Variants in AGMO observed in about 807,000 individuals in gnomAD.
AGMO encodes the protein alkylglycerol monooxygenase.
Under a neutral mutation model 60.2 loss-of-function variants are expected in AGMO, and 75 were observed. That is an observed-to-expected ratio of 1.25 (90% CI 1.03 to 1.51). The LOEUF (loss-of-function observed/expected upper bound fraction) is 1.51. Among genes scored for constraint, AGMO ranks in the 40% most tolerant of loss-of-function variants. The probability of loss-of-function intolerance (pLI) is 0.00; values close to 1 mark genes in which losing one functional copy is unlikely to be tolerated. For missense variants in AGMO, 763 were observed against 525.5 expected (o/e 1.45, Z -4.42); for synonymous variants, 261 against 177.1 (o/e 1.47, Z -3.76).
chr7:15,345,640 G>C lies in AGMO; in HGVS notation c.1263+19874C>G, dbSNP rs76844719. Among the ~76,000 whole-genome samples, 1,234 of 152,226 alleles carry C rather than the reference G, an allele frequency of 8.1e-3. 14 individuals are homozygous for C. The highest frequency in any genetic ancestry group is 0.024 in the African/African-American group (1,002 of 41,536). ...AATATCTATCTTGGTACTTGGTACT[G>C]ATGTTGTTGTTAGCAGTTTTTAAAT... On this transcript the variant is annotated intron_variant, in intron 12 of 12. Coordinates refer to ENST00000342526, the MANE Select transcript of AGMO (RefSeq NM_001004320.2).
intron 3 of AGMO, among the ~76,000 whole-genome samples, chr7:15,535,120 G>T (rs1417053177): frequency 6.6e-6 from 1 of 151,974 alleles, no homozygotes; most frequent in East Asian, 1.9e-4. Context: ...CAGTTAAAAA[G>T]TGGTAGCAAT....
At chr7:15,260,379 C>A (rs1228550648) in intron 12 of AGMO, among the ~76,000 whole-genome samples, 4 of 151,730 alleles carry the variant, frequency 2.6e-5, no homozygotes, top group Non-Finnish European at 4.4e-5. Flanking sequence ...TTTTATCAGA[C>A]AAAAGAAACT....
chr7:15,552,310 A>C (rs189547825), intron 2 of AGMO, among the ~76,000 whole-genome samples: 2 of 152,358 alleles, frequency 1.3e-5, no homozygotes, highest in African/African-American at 4.8e-5. Flanking sequence ...AAAAGCCAAA[A>C]TTGACAAATG....
intron 12 of AGMO, among the ~76,000 whole-genome samples, chr7:15,227,029 A>G (rs1782103727): frequency 6.6e-6 from 1 of 152,016 alleles, no homozygotes; most frequent in African/African-American, 2.4e-5. Context: ...AAATCCAGAC[A>G]AACGCAAAAG....
chr7:15,362,682 C>T (rs1016644026), intron 12 of AGMO, among the ~76,000 whole-genome samples: 2 of 152,138 alleles, frequency 1.3e-5, no homozygotes, highest in Non-Finnish European at 2.9e-5. Context: ...AGCTAAGCAC[C>T]CTGAAAGATT....
At chr7:15,198,247 G>C (rs1188877839), downstream of AGMO, among the ~76,000 whole-genome samples, 187 of 84,974 alleles carry the variant, frequency 2.2e-3, 4 homozygotes, top group African/African-American at 0.014. Flanking sequence ...GAGAGAGAGA[G>C]AGAGAGAGAC....
intron 3 of AGMO, among the ~76,000 whole-genome samples, chr7:15,460,619 ATAAAT>A (rs1174434114): frequency 2.6e-5 from 4 of 152,094 alleles, no homozygotes; most frequent in Admixed American, 6.6e-5. Context: ...ATGAGATATA[ATAAAT>A]TAAATATTGA....
At chr7:15,531,768 C>T (rs1441028989) in intron 3 of AGMO, among the ~76,000 whole-genome samples, 2 of 150,366 alleles carry the variant, frequency 1.3e-5, no homozygotes, top group Non-Finnish European at 2.9e-5. Flanking sequence ...TCAAGCGATT[C>T]TCATACCTCA....
At chr7:15,354,302 A>ACGTGTATACG (rs1554422451) in intron 12 of AGMO, among the ~76,000 whole-genome samples, 2 of 80,994 alleles carry the variant, frequency 2.5e-5, no homozygotes, top group Admixed American at 1.2e-4. Context: ...AAATATATAT[A>ACGTGTATACG]CGTGTATACA....
At chr7:15,380,539 A>G (rs953120786) in intron 10 of AGMO, among the ~76,000 whole-genome samples, 6 of 152,176 alleles carry the variant, frequency 3.9e-5, no homozygotes, top group Non-Finnish European at 7.4e-5. Context: ...AAGCCATTCC[A>G]TGTTCATGGA....
chr7:15,289,278 GTTAA>G (rs1025287127), intron 12 of AGMO, among the ~76,000 whole-genome samples: 14 of 51,928 alleles, frequency 2.7e-4, no homozygotes, highest in Middle Eastern at 0.032. Flanking sequence ...TATTTAGAAT[GTTAA>G]TTGTTTCTTT....
At chr7:15,133,506 G>T in the AGMO span, among the ~76,000 whole-genome samples, 1 of 152,142 alleles carries the variant, frequency 6.6e-6, no homozygotes, top group African/African-American at 2.4e-5. Context: ...TTAGCTGGAG[G>T]CTAAAATCAT....
intron 12 of AGMO, chr7:15,358,555 G>A (rs764213468): frequency 3.9e-5 from 15 of 384,150 alleles, no homozygotes; most frequent in Admixed American, 1.3e-4. Flanking sequence ...AGATGCAGGT[G>A]GGATTTTCTG....
At chr7:15,493,355 ACACACACTTCTTTTT>A (rs1241278961) in intron 3 of AGMO, among the ~76,000 whole-genome samples, 18 of 84,940 alleles carry the variant, frequency 2.1e-4, no homozygotes, top group Non-Finnish European at 4.1e-4. Context: ...ACACACACAC[ACACACACTTCTTTTT>A]TTTTTTTTTT....
At chr7:15,157,835 C>T in the AGMO span, among the ~76,000 whole-genome samples, 1 of 152,132 alleles carries the variant, frequency 6.6e-6, no homozygotes, top group Non-Finnish European at 1.5e-5. Context: ...TGCAATAATT[C>T]CATTTCTCTG....
intron 3 of AGMO, among the ~76,000 whole-genome samples, chr7:15,537,942 G>A (rs1784522864): frequency 2.0e-5 from 3 of 152,000 alleles, no homozygotes; most frequent in African/African-American, 4.8e-5. Flanking sequence ...ACGGACAAAT[G>A]TTTAACATTT....
chr7:15,255,542 A>AG (rs1230446789), intron 12 of AGMO, among the ~76,000 whole-genome samples: 2 of 150,614 alleles, frequency 1.3e-5, no homozygotes, highest in Non-Finnish European at 3.0e-5. Flanking sequence ...TACAAAAAAA[A>AG]AAAAAAAAGA....
intron 12 of AGMO, among the ~76,000 whole-genome samples, chr7:15,259,801 C>T (rs1015064861): frequency 7.1e-6 from 1 of 140,664 alleles, no homozygotes. Context: ...TTGTATCCAG[C>T]AAAACTAAGC....
At chr7:15,527,317 A>C (rs1331440478) in intron 3 of AGMO, among the ~76,000 whole-genome samples, 2 of 152,170 alleles carry the variant, frequency 1.3e-5, no homozygotes, top group African/African-American at 2.4e-5. Flanking sequence ...AGAAAGCAAA[A>C]CAGCCTCATT....
Sources: gnomAD v4.1 joint callset for allele counts (sites outside exome capture counted in the v4.1 genomes callset) on GRCh38, gnomAD v4.1.1 for gene constraint, MANE v1.5 for transcripts, NCBI Gene and HGNC (gene_info 2026-07-23, HGNC 2026-07-21) for gene names.